Variants in ANKRD40CL observed in about 807,000 individuals in gnomAD.
ANKRD40CL encodes the protein ANKRD40 C-terminal like.
For missense variants in ANKRD40CL, 11 were observed against 6.4 expected, an observed-to-expected ratio of 1.71 and a Z score of -0.77; for synonymous variants, 5 against 2.3, an observed-to-expected ratio of 2.14 and a Z score of -1.04.
intron 2 of ANKRD40CL, among the ~76,000 whole-genome samples, chr17:50,765,956 C>A (rs1234198495): frequency 6.6e-6 from 1 of 152,164 alleles, no homozygotes; most frequent in African/African-American, 2.4e-5. Context: ...AATTATGACA[C>A]ATTTCAAGTC....
chr17:50,766,696 C>G (rs765664206), intron 2 of ANKRD40CL, 178 bp downstream of exon 2: 55 of 534,138 alleles, frequency 1.0e-4, no homozygotes, highest in Middle Eastern at 4.8e-4. Context: ...GCTATAGACA[C>G]TTGCTTCCTT....
At chr17:50,766,288 C>T (rs914104823) in intron 2 of ANKRD40CL, among the ~76,000 whole-genome samples, 5 of 152,168 alleles carry the variant, frequency 3.3e-5, no homozygotes, top group East Asian at 1.9e-4. Context: ...GACCTGATAT[C>T]GATACCTGAT....
At chr17:50,765,385 T>C (rs989900572) in intron 2 of ANKRD40CL, among the ~76,000 whole-genome samples, 3 of 152,124 alleles carry the variant, frequency 2.0e-5, no homozygotes, top group Admixed American at 1.3e-4. Context: ...GCCATTCTGG[T>C]TTTTAGCAGA....
At chr17:50,762,536 A>G (rs916984913) in intron 3 of ANKRD40CL, among the ~76,000 whole-genome samples, 3 of 152,162 alleles carry the variant, frequency 2.0e-5, no homozygotes, top group African/African-American at 7.2e-5. Flanking sequence ...TGATCACGCC[A>G]TTGCATTCTA....
intron 2 of ANKRD40CL, 192 bp downstream of exon 2, chr17:50,766,682 T>G (rs1254721175): frequency 1.0e-5 from 5 of 491,464 alleles, no homozygotes; most frequent in Admixed American, 3.6e-5. Flanking sequence ...TATTATTTAT[T>G]ATAGCTATAG....
rs1597956939 is a variant in ANKRD40CL, at chr17:50,764,151, G to T, written c.41-594C>A. The T allele has an allele frequency of 1.0e-5, 4 of 398,656 alleles. No homozygotes were observed. The East Asian group carries it at 1.4e-4, about 14-fold the overall frequency. The allele number at this position is 398,656 out of a possible 1,614,324, so 24.7% of individuals were successfully genotyped here. ...TGGCTTTGCAACCTGGTCACATAGG[G>T]GCTGAGTCTTCACCTAGACAGGTGT... On this transcript the variant is annotated intron_variant, in intron 2 of 3. Transcript: ENST00000450727.
chr17:50,766,746 C>T (rs1016803204), intron 2 of ANKRD40CL, 128 bp downstream of exon 2: 2 of 584,730 alleles, frequency 3.4e-6, no homozygotes, highest in South Asian at 2.2e-5. Context: ...CTCTTCACTA[C>T]CCCACTGGCA....
intron 3 of ANKRD40CL, 49 bp downstream of exon 3, chr17:50,763,348 C>G (rs1423729370): frequency 2.5e-6 from 1 of 398,946 alleles, no homozygotes; most frequent in African/African-American, 2.1e-5. Flanking sequence ...CTCCAGAGAA[C>G]ATGATGTCAC....
At chr17:50,764,087 T>C in intron 2 of ANKRD40CL, 1 of 398,600 alleles carries the variant, frequency 2.5e-6, no homozygotes, top group Non-Finnish European at 4.4e-6. Context: ...GAAGATACAG[T>C]ATGAACTAAA....
intron 3 of ANKRD40CL, among the ~76,000 whole-genome samples, chr17:50,762,468 C>A (rs774051696): frequency 2.6e-5 from 4 of 151,968 alleles, no homozygotes; most frequent in Admixed American, 6.6e-5. Context: ...CCCAACTACT[C>A]TGGAGGCTAA....
intron 3 of ANKRD40CL, among the ~76,000 whole-genome samples, chr17:50,761,903 G>A (rs999036553): frequency 6.7e-5 from 10 of 150,220 alleles, no homozygotes; most frequent in African/African-American, 2.2e-4. Flanking sequence ...GATTACAGGT[G>A]TGAGCCACTG....
Position 50,761,218 on chromosome 17 carries a change from T to C in ANKRD40CL, c.*145A>G, listed in dbSNP as rs1363753041. 8.7e-6 allele frequency: 3 copies of C among 344,240 alleles called. No individual in the cohort carries two copies. The highest frequency in any genetic ancestry group is 1.6e-5 in the Non-Finnish European group (3 of 192,314). 21.3% of individuals were successfully genotyped at this position (344,240 alleles called of 1,614,324 possible). ...CCACCACACCTAGCTAATTTTTGTATTTTTTTTAGTAGAGACTGGGTTTCA... is the reference window on the plus strand; with the variant it reads ...CCACCACACCTAGCTAATTTTTGTACTTTTTTTAGTAGAGACTGGGTTTCA... On this transcript the variant is annotated 3_prime_UTR_variant, in exon 4 of 4. Coordinates refer to ENST00000450727, the MANE Select transcript of ANKRD40CL (RefSeq NM_001358683.3).
At chr17:50,763,648 A>G (rs540156122) in intron 2 of ANKRD40CL, 91 bp from the exon 3 acceptor site, 64 of 398,074 alleles carry the variant, frequency 1.6e-4, no homozygotes, top group African/African-American at 8.6e-4. Flanking sequence ...ATCTATTATT[A>G]CAGCATAAAT....
rs1385684734 is a variant in ANKRD40CL at position 50,767,000 on chromosome 17, C to G, written c.-87G>C. On this transcript the variant is annotated 5_prime_UTR_variant, in exon 2 of 4. It removes the in-frame stop codon of an upstream open reading frame in the 5' UTR. Transcript: ENST00000450727. ...AAATAAAAAGCACTTTCTACAGCCT[C>G]AGCACATCTGTCTGCAAGGTAACAA... 1.1e-5 allele frequency: 8 copies of G among 702,160 alleles called. No individual in the cohort carries two copies. The Admixed American group carries it at 1.6e-4, about 14-fold the overall frequency. 43.5% of individuals were successfully genotyped at this position (702,160 alleles called of 1,614,324 possible).
rs1037550750 is a variant in ANKRD40CL at position 50,766,888 on chromosome 17, C to T, written c.26G>A (p.Gly9Glu). 1.5e-6 allele frequency: 1 copy of T among 672,590 alleles called. No individual in the cohort carries two copies. Among genetic ancestry groups the T allele is most frequent in the Admixed American group, 2.1e-5 (1 of 48,114 alleles). The allele number at this position is 672,590 out of a possible 1,614,324, so 41.7% of individuals were successfully genotyped here. The change falls in exon 2 of 4, where the codon GGG becomes GAG. Residue 9 changes from glycine (G) to glutamate (E), a missense_variant. Gly to Glu is a moderately conservative substitution (Grantham distance 98). Coordinates refer to ENST00000450727, the MANE Select transcript of ANKRD40CL (RefSeq NM_001358683.3). ...CCCAGACTCACCTGCTGGCTTCTCC[C>T]CGATGTCCTGTTCCGGTTCAGCCAT... MAEPEQDI[G>E]EKPAVRIQNP...
At chr17:50,764,141 G>A (rs948171940) in intron 2 of ANKRD40CL, 2 of 398,572 alleles carry the variant, frequency 5.0e-6, no homozygotes, top group Non-Finnish European at 8.8e-6. Flanking sequence ...TTGCAACCTG[G>A]TCACATAGGG....
chr17:50,766,922 T>C lies in ANKRD40CL; in HGVS notation c.-9A>G, dbSNP rs1371279825. ...TGTTCCGGTTCAGCCATGAGTCACC[T>C]CTAGTCCGTCAGATGTGCAGCCCCT... On this transcript the variant is annotated 5_prime_UTR_variant, in exon 2 of 4. Coordinates refer to ENST00000450727, the MANE Select transcript of ANKRD40CL (RefSeq NM_001358683.3). The C allele has an allele frequency of 2.9e-6, 2 of 699,064 alleles. No individual in the cohort carries two copies. Among genetic ancestry groups the C allele is most frequent in the South Asian group, 1.5e-5 (1 of 67,262 alleles). 43.3% of individuals were successfully genotyped at this position (699,064 alleles called of 1,614,324 possible).
chr17:50,764,570 G>A (rs1971263362), intron 2 of ANKRD40CL: 1 of 215,542 alleles, frequency 4.6e-6, no homozygotes, highest in African/African-American at 2.3e-5. Context: ...TATGTCTTCA[G>A]TTCTCTAGCA....
At position 50,761,191 on chromosome 17, in the gene ANKRD40CL, C is replaced by A; in HGVS notation, c.*172G>T. The A allele has an allele frequency of 2.9e-6, 1 of 342,852 alleles. No homozygotes were observed. The highest frequency in any genetic ancestry group is 5.2e-6 in the Non-Finnish European group (1 of 191,982). 21.2% of individuals were successfully genotyped at this position (342,852 alleles called of 1,614,324 possible). ...TGTAGCTGGGACTACTACAGGTGTGCGCCACCACACCTAGCTAATTTTTGT... is the reference window on the plus strand; with the variant it reads ...TGTAGCTGGGACTACTACAGGTGTGAGCCACCACACCTAGCTAATTTTTGT... On this transcript the variant is annotated 3_prime_UTR_variant, in exon 4 of 4. Transcript: ENST00000450727.
Sources: gnomAD v4.1 joint callset for allele counts (sites outside exome capture counted in the v4.1 genomes callset) on GRCh38, gnomAD v4.1.1 for gene constraint, MANE v1.5 for transcripts, NCBI Gene and HGNC (gene_info 2026-07-23, HGNC 2026-07-21) for gene names.